Variants in WASHC2C observed in about 807,000 individuals in gnomAD.
The protein encoded by WASHC2C is Vaccinia Penetration Factor.
WASHC2C carries 73 observed loss-of-function variants against 142.2 expected under a neutral mutation model. The observed-to-expected ratio is 0.51, with a 90% CI of 0.43 to 0.62. The LOEUF (loss-of-function observed/expected upper bound fraction) is 0.62. WASHC2C is among the 20% of genes least tolerant of loss of function. The probability of loss-of-function intolerance (pLI) is 0.00; values close to 1 mark genes in which losing one functional copy is unlikely to be tolerated. For synonymous variants in WASHC2C, 337 were observed against 565.5 expected (o/e 0.60, Z 5.73); for missense variants, 969 against 1,531.7 (o/e 0.63, Z 6.13).
At position 45,759,501 on chromosome 10, in the gene WASHC2C, T is replaced by C. The variant is rs1284252167; in HGVS notation, c.1635+100T>C. ...TTCTCAATAGAGTTATAAGACTTTT[T>C]GTTAAGTACTCCAGTTCTTTAAAAA... is the stretch of plus-strand genomic sequence containing the variant. On this transcript the variant is annotated intron_variant, in intron 17 of 30. Transcript: ENST00000623400. 6.2e-4 allele frequency: 857 copies of C among 1,373,722 alleles called. 5 individuals are homozygous for C. The highest frequency in any genetic ancestry group is 4.2e-3 in the Middle Eastern group (16 of 3,780). The allele number at this position is 1,373,722 out of a possible 1,614,324, so 85.1% of individuals were successfully genotyped here.
chr10:45,790,513 C>G lies in WASHC2C; in HGVS notation c.3866C>G (p.Ser1289Cys). ...TCCAAAAAGAAAGTGGAAGCCAAGT[C>G]TATATTTGATGATGATATGGGTAAG... ...EKSKKKVEAK[S>C]IFDDDMDDIF... The change falls in exon 30 of 31, where the codon TCT (serine) becomes TGT (cysteine). Residue 1289 changes from serine (S) to cysteine (C), a missense_variant. Physicochemically the swap from Ser to Cys is moderately radical, Grantham distance 112. Coordinates refer to ENST00000623400, the MANE Select transcript of WASHC2C (RefSeq NM_001330074.2). 6.2e-7 allele frequency: 1 copy of G among 1,611,706 alleles called. No homozygotes were observed. The highest frequency in any genetic ancestry group is 8.5e-7 in the Non-Finnish European group (1 of 1,179,768).
chr10:45,743,037 G>A (rs1348439752), intron 5 of WASHC2C, among the ~76,000 whole-genome samples: 10 of 151,510 alleles, frequency 6.6e-5, no homozygotes, highest in South Asian at 2.1e-4. Context: ...ACCATGTCCC[G>A]CTAATTTTTT....
chr10:45,732,043 G>A (rs548589602), intron 3 of WASHC2C, among the ~76,000 whole-genome samples: 3 of 151,890 alleles, frequency 2.0e-5, no homozygotes, highest in Admixed American at 6.5e-5. Flanking sequence ...TGATCCACCC[G>A]CCTTGGCCTC....
chr10:45,735,054 C>T (rs2134132816), intron 3 of WASHC2C, among the ~76,000 whole-genome samples: 1 of 151,048 alleles, frequency 6.6e-6, no homozygotes, highest in East Asian at 2.0e-4. Context: ...TCTGTTTCTG[C>T]CCTCTGCTGT....
intron 3 of WASHC2C, among the ~76,000 whole-genome samples, chr10:45,731,239 G>A (rs1459519283): frequency 5.0e-5 from 7 of 138,796 alleles, no homozygotes; most frequent in South Asian, 2.2e-4. Context: ...TTTTTCTTCC[G>A]AGACAGAGTC....
intron 3 of WASHC2C, among the ~76,000 whole-genome samples, chr10:45,735,093 A>G (rs1370265718): frequency 9.3e-5 from 14 of 150,508 alleles, no homozygotes; most frequent in Non-Finnish European, 7.4e-5. Context: ...GTTTGACAGT[A>G]TCATAATCTT....
Position 45,750,094 on chromosome 10 carries a change from A to G in WASHC2C, c.733-2A>G, listed in dbSNP as rs1554873485. 8.7e-6 allele frequency: 14 copies of G among 1,609,886 alleles called. No individual in the cohort carries two copies. The highest frequency in any genetic ancestry group is 1.2e-5 in the Non-Finnish European group (14 of 1,179,286). On this transcript the variant is annotated splice_acceptor_variant, in intron 8 of 30. Coordinates refer to ENST00000623400, the MANE Select transcript of WASHC2C (RefSeq NM_001330074.2). LOFTEE classifies it high-confidence loss of function. The stretch of plus-strand genomic sequence containing the variant: ...TTCTAATTTGGTATTTTATACTCTT[A>G]GCACACCACACAAATGAGTGATGAG...
rs1443168116 is a variant in WASHC2C, at chr10:45,752,656, G to A, written c.1072G>A (p.Gly358Ser). 11 of 1,609,676 alleles carry A rather than the reference G, an allele frequency of 6.8e-6. No homozygotes were observed. The East Asian group carries it at 1.1e-4, about 16-fold the overall frequency. The stretch of plus-strand genomic sequence containing the variant: ...GGACTTCTCGCCATTTGGCTCTGGA[G>A]GTGGCCTGTTCAGTGGCGGCAAGGG... Reference protein sequence around the residue: ...DEDFSPFGSGGGLFSGGKGLF... With the variant: ...DEDFSPFGSGSGLFSGGKGLF... The change falls in exon 12 of 31, where the codon GGT (glycine) becomes AGT (serine). Residue 358 changes from glycine (G) to serine (S), a missense_variant. Transcript: ENST00000623400.
At position 45,727,314 on chromosome 10, in the gene WASHC2C, T is replaced by C; in HGVS notation, c.-4T>C. ...CTCGGAGCCCACCGAGCCGGGCGGCTGGGATGGTGAGGGCGGCGGGCCGGA... is the reference window on the plus strand; with the variant it reads ...CTCGGAGCCCACCGAGCCGGGCGGCCGGGATGGTGAGGGCGGCGGGCCGGA... On this transcript the variant is annotated 5_prime_UTR_variant, in exon 1 of 31. Transcript: ENST00000623400. 6.3e-7 allele frequency: 1 copy of C among 1,576,040 alleles called. No homozygotes were observed. Among genetic ancestry groups the C allele is most frequent in the African/African-American group, 1.4e-5 (1 of 74,022 alleles).
intron 2 of WASHC2C, 78 bp from the exon 3 acceptor site, chr10:45,728,784 A>G (rs541301099): frequency 9.3e-6 from 14 of 1,507,242 alleles, no homozygotes; most frequent in Non-Finnish European, 1.2e-5. Flanking sequence ...GTGAAAGGAA[A>G]TGGGTTCTTT....
intron 4 of WASHC2C, among the ~76,000 whole-genome samples, chr10:45,738,319 G>A (rs1223450978): frequency 6.6e-6 from 1 of 150,950 alleles, no homozygotes; most frequent in East Asian, 1.9e-4. Flanking sequence ...TACAGATTTG[G>A]AGGGTCACAG....
At chr10:45,736,452 T>C (rs1461558874) in intron 3 of WASHC2C, among the ~76,000 whole-genome samples, 1 of 122,716 alleles carries the variant, frequency 8.1e-6, no homozygotes, top group Non-Finnish European at 1.7e-5. Flanking sequence ...AAAAACAAAT[T>C]AGCCGGGTGT....
intron 17 of WASHC2C, among the ~76,000 whole-genome samples, chr10:45,759,688 G>A (rs11239603): frequency 0.14 from 21,450 of 151,948 alleles, 1,641 homozygotes; most frequent in Admixed American, 0.21. Context: ...GTATGGTGGT[G>A]CGAGCCTGTA....
intron 8 of WASHC2C, among the ~76,000 whole-genome samples, chr10:45,747,038 G>A (rs567841809): frequency 4.2e-4 from 64 of 152,200 alleles, no homozygotes; most frequent in African/African-American, 8.7e-4. Context: ...GTCTTAGCAC[G>A]GTTATCTTAA....
chr10:45,765,907 G>A (rs1171044089), intron 19 of WASHC2C, 97 bp downstream of exon 19: 1 of 1,511,846 alleles, frequency 6.6e-7, no homozygotes, highest in East Asian at 2.3e-5. Context: ...TATATCTCGT[G>A]ATGTTCAGTC....
intron 19 of WASHC2C, among the ~76,000 whole-genome samples, chr10:45,768,687 T>G (rs533828639): frequency 4.6e-4 from 70 of 152,382 alleles, no homozygotes; most frequent in African/African-American, 1.7e-3. Flanking sequence ...AGTTTTTCAT[T>G]GTGTCTTGTT....
At chr10:45,730,240 G>A (rs1782752928) in intron 3 of WASHC2C, among the ~76,000 whole-genome samples, 1 of 126,384 alleles carries the variant, frequency 7.9e-6, no homozygotes, top group Admixed American at 8.2e-5. Flanking sequence ...CAGCTACTTG[G>A]GAAGGCTGAG....
intron 8 of WASHC2C, among the ~76,000 whole-genome samples, chr10:45,749,727 G>A (rs1309139642): frequency 1.3e-5 from 2 of 149,460 alleles, no homozygotes; most frequent in African/African-American, 2.5e-5. Context: ...TCGGAAGGCC[G>A]AGGCAGGAGA....
chr10:45,749,836 A>ATATATATATATATATATATTTATAT (rs1554873238), intron 8 of WASHC2C, among the ~76,000 whole-genome samples: 1 of 101,780 alleles, frequency 9.8e-6, no homozygotes, highest in East Asian at 3.4e-4. Flanking sequence ...AAAAAAAAAA[A>ATATATATATATATATATATTTATAT]ATATATATAT....
Sources: allele counts gnomAD v4.1 joint callset (sites outside exome capture counted in the v4.1 genomes callset), GRCh38; gene constraint gnomAD v4.1.1; transcripts MANE v1.5; gene names NCBI Gene and HGNC (gene_info 2026-07-23, HGNC 2026-07-21).